Variants in NR6A1 observed in about 807,000 individuals in gnomAD.
NR6A1 encodes the protein retinoic acid receptor-related testis-associated receptor.
A neutral mutation model predicts 59.1 loss-of-function variants in NR6A1; 7 were observed. That is an observed-to-expected ratio of 0.12 (90% confidence interval 0.07 to 0.22). The LOEUF (loss-of-function observed/expected upper bound fraction) is 0.22, where lower values mean the gene tolerates loss of function less well. Among genes scored for constraint, NR6A1 ranks in the 10% least tolerant of loss-of-function variants. The pLI, the probability that NR6A1 is intolerant of heterozygous loss-of-function variation, is 1.00. For synonymous variants in NR6A1, 243 were observed against 236.1 expected, an observed-to-expected ratio of 1.03 and a Z score of -0.27; for missense variants, 468 against 611.6, an observed-to-expected ratio of 0.77 and a Z score of 2.48.
At chr9:124,681,245 A>G (rs1223664304) in intron 2 of NR6A1, among the ~76,000 whole-genome samples, 1 of 151,508 alleles carries the variant, frequency 6.6e-6, no homozygotes, top group African/African-American at 2.4e-5. Flanking sequence ...ACACTTGGGT[A>G]TCTGATGGAT....
At chr9:124,536,519 C>T (rs936376302) in intron 6 of NR6A1, among the ~76,000 whole-genome samples, 3 of 151,946 alleles carry the variant, frequency 2.0e-5, no homozygotes, top group Non-Finnish European at 4.4e-5. Context: ...ATTAGCCGGG[C>T]GTGGTAGCAC....
intron 2 of NR6A1, among the ~76,000 whole-genome samples, chr9:124,687,692 A>AC (rs1440773690): frequency 6.6e-6 from 1 of 152,194 alleles, no homozygotes; most frequent in African/African-American, 2.4e-5. Flanking sequence ...ACAACACATT[A>AC]TTTTGGCCTA....
In NR6A1 at chr9:124,592,400, G is replaced by A. The variant is rs148860145; in HGVS notation, c.143-37830C>T. ...ATGGAAAATGTCCATTAAAATAATC[G>A]ATTCTTTGGTTTAAATATTAATGGA... On this transcript the variant is annotated intron_variant, in intron 2 of 9. Transcript: ENST00000487099. Among the ~76,000 whole-genome samples the A allele has an allele frequency of 5.6e-3, 855 of 152,192 alleles. 7 individuals carry two copies. Among genetic ancestry groups the A allele is most frequent in the African/African-American group, 0.019 (804 of 41,522 alleles).
intron 2 of NR6A1, among the ~76,000 whole-genome samples, chr9:124,558,916 T>G (rs556552088): frequency 1.3e-5 from 2 of 152,182 alleles, no homozygotes; most frequent in Non-Finnish European, 2.9e-5. Context: ...TAATCGTGCC[T>G]GGCCAGATGT....
At chr9:124,743,183 A>G (rs1662969035) in intron 1 of NR6A1, among the ~76,000 whole-genome samples, 1 of 152,236 alleles carries the variant, frequency 6.6e-6, no homozygotes, top group South Asian at 2.1e-4. Flanking sequence ...CTTTTCTTGG[A>G]TTGGCTGATT....
At chr9:124,663,053 G>T (rs578010729) in intron 2 of NR6A1, among the ~76,000 whole-genome samples, 2 of 152,290 alleles carry the variant, frequency 1.3e-5, no homozygotes, top group South Asian at 4.1e-4. Flanking sequence ...AATCCTTAAA[G>T]AAATGATGAA....
intron 2 of NR6A1, among the ~76,000 whole-genome samples, chr9:124,578,331 C>T (rs1375310669): frequency 6.6e-6 from 1 of 152,198 alleles, no homozygotes; most frequent in Non-Finnish European, 1.5e-5. Flanking sequence ...ATTTAGCTTT[C>T]TAATAGGTAT....
chr9:124,573,221 T>TG (rs1186685958), intron 2 of NR6A1, among the ~76,000 whole-genome samples: 4 of 152,166 alleles, frequency 2.6e-5, no homozygotes, highest in Non-Finnish European at 4.4e-5. Context: ...TCAGCTCTTT[T>TG]GTCTGAAGAG....
At chr9:124,612,332 C>T (rs1399963684) in intron 2 of NR6A1, among the ~76,000 whole-genome samples, 4 of 152,144 alleles carry the variant, frequency 2.6e-5, no homozygotes, top group Admixed American at 2.6e-4. Context: ...ATAGAACTGA[C>T]CCCGGGCTCA....
chr9:124,669,538 CAT>C (rs1263141572), intron 2 of NR6A1, among the ~76,000 whole-genome samples: 32 of 152,324 alleles, frequency 2.1e-4, no homozygotes, highest in Non-Finnish European at 2.2e-4. Flanking sequence ...TGAAATATCA[CAT>C]GTCTCAGACT....
chr9:124,734,932 C>A (rs1839981319), intron 1 of NR6A1, among the ~76,000 whole-genome samples: 2 of 152,136 alleles, frequency 1.3e-5, no homozygotes, highest in African/African-American at 2.4e-5. Context: ...AACCTCCGCG[C>A]CTCCTGGTTT....
At chr9:124,629,178 G>A (rs1311150471) in intron 2 of NR6A1, among the ~76,000 whole-genome samples, 4 of 152,074 alleles carry the variant, frequency 2.6e-5, no homozygotes, top group African/African-American at 7.3e-5. Context: ...TTTTCTACTG[G>A]TGTGCAGAGC....
intron 2 of NR6A1, among the ~76,000 whole-genome samples, chr9:124,586,195 T>C (rs1392563256): frequency 6.6e-6 from 1 of 152,214 alleles, no homozygotes. Context: ...CTGATGGATC[T>C]AGGAAAAGTA....
Position 124,620,763 on chromosome 9 carries a change from C to G in NR6A1, c.143-66193G>C, listed in dbSNP as rs532561211. 5.8e-4 allele frequency among the ~76,000 whole-genome samples: 88 copies of G among 150,602 alleles called. 1 individual carries two copies. The South Asian group carries it at 0.018, about 30-fold the overall frequency. ...CTTGGTAAATATACCAAACATCGCT[C>G]AACTGTACAGAGTAAATTATGATAT... On this transcript the variant is annotated intron_variant, in intron 2 of 9. Transcript: ENST00000487099.
intron 2 of NR6A1, among the ~76,000 whole-genome samples, chr9:124,590,535 C>G (rs567234352): frequency 2.0e-5 from 3 of 152,172 alleles, no homozygotes; most frequent in Non-Finnish European, 4.4e-5. Flanking sequence ...AAAAGGAGAT[C>G]TGTAGTTTAG....
intron 2 of NR6A1, among the ~76,000 whole-genome samples, chr9:124,616,997 T>C (rs916921210): frequency 6.6e-6 from 1 of 152,162 alleles, no homozygotes; most frequent in Admixed American, 6.5e-5. Context: ...AATACACATG[T>C]TCACAAAAAT....
At chr9:124,619,527 C>T (rs910502314) in intron 2 of NR6A1, among the ~76,000 whole-genome samples, 1 of 152,054 alleles carries the variant, frequency 6.6e-6, no homozygotes, top group African/African-American at 2.4e-5. Flanking sequence ...CCTCCCAAAG[C>T]GCTGGGGTTA....
intron 3 of NR6A1, among the ~76,000 whole-genome samples, chr9:124,549,052 G>C (rs1833691487): frequency 6.6e-6 from 1 of 152,210 alleles, no homozygotes; most frequent in African/African-American, 2.4e-5. Context: ...AATAATGAGG[G>C]AAACAGATGA....
chr9:124,595,182 C>A (rs1300244733), intron 2 of NR6A1, among the ~76,000 whole-genome samples: 1 of 152,164 alleles, frequency 6.6e-6, no homozygotes, highest in East Asian at 1.9e-4. Flanking sequence ...TCATTACATA[C>A]ACACACATGC....
Sources: allele counts gnomAD v4.1 joint callset (sites outside exome capture counted in the v4.1 genomes callset), GRCh38; gene constraint gnomAD v4.1.1; transcripts MANE v1.5; gene names NCBI Gene and HGNC (gene_info 2026-07-23, HGNC 2026-07-21).